Variants in PSG5 observed in about 807,000 individuals in gnomAD.
The protein encoded by PSG5 is pregnancy specific beta-1-glycoprotein 5.
PSG5 carries 53 observed loss-of-function variants against 37.7 expected under a neutral mutation model. The observed-to-expected ratio is 1.41, with a 90% CI of 1.13 to 1.77. PSG5 has a LOEUF of 1.77. Ranked by LOEUF, PSG5 falls within the 40% of genes most tolerant of loss-of-function variation. PSG5 has a pLI of 0.00. For missense variants in PSG5, 547 were observed against 405.2 expected (o/e 1.35, Z -3.00); for synonymous variants, 221 against 155.4 (o/e 1.42, Z -3.14).
At chr19:43,177,153 C>T (rs1406521199) in intron 2 of PSG5, among the ~76,000 whole-genome samples, 2 of 151,442 alleles carry the variant, frequency 1.3e-5, no homozygotes, top group African/African-American at 2.4e-5. Context: ...AAGTGGATTC[C>T]AGAGTGAATA....
At chr19:43,178,700 C>T (rs549300869) in intron 2 of PSG5, among the ~76,000 whole-genome samples, 1 of 151,758 alleles carries the variant, frequency 6.6e-6, no homozygotes, top group South Asian at 2.1e-4. Flanking sequence ...CTCTTTTCTC[C>T]TATTGTGGAT....
rs561344056 is a variant in PSG5, at chr19:43,184,068, G to T, written c.430+714C>A. Among the ~76,000 whole-genome samples the T allele has an allele frequency of 3.1e-4, 47 of 151,760 alleles. No homozygotes were observed. In the South Asian group the frequency reaches 9.5e-3, roughly 31 times the overall value. Reference sequence around the variant, plus strand: ...ATCCCTGTGGACAAGCTGCTACCAGGTACATCTTCTCCCTTCTGTTTATGC... The same window carrying T: ...ATCCCTGTGGACAAGCTGCTACCAGTTACATCTTCTCCCTTCTGTTTATGC... On this transcript the variant is annotated intron_variant, in intron 2 of 5. Coordinates refer to ENST00000342951, the MANE Select transcript of PSG5 (RefSeq NM_002781.4).
chr19:43,178,965 G>A (rs1480025249), intron 2 of PSG5: 1 of 1,612,818 alleles, frequency 6.2e-7, no homozygotes, highest in Non-Finnish European at 8.5e-7. Context: ...AATATACTTT[G>A]TGACACCAAA....
rs748580716 is a variant in PSG5 at position 43,176,158 on chromosome 19, T to C, written c.431-10A>G. On this transcript the variant is annotated splice_polypyrimidine_tract_variant and intron_variant, in intron 2 of 5. Coordinates refer to ENST00000342951, the MANE Select transcript of PSG5 (RefSeq NM_002781.4). ...GGCTTGGGCAGCTTCACTGTGTGGA[T>C]AACAGAGAGAAGATTGTCCTGTGTG... 25 of 1,610,798 alleles carry C rather than the reference T, an allele frequency of 1.6e-5. 1 individual carries two copies. Among genetic ancestry groups the C allele is most frequent in the Middle Eastern group, 1.9e-4 (1 of 5,182 alleles).
At chr19:43,180,161 A>T (rs920786810) in intron 2 of PSG5, among the ~76,000 whole-genome samples, 3 of 151,476 alleles carry the variant, frequency 2.0e-5, no homozygotes, top group Admixed American at 2.0e-4. Context: ...TGGATTCCAG[A>T]GTGAATCAGA....
At chr19:43,181,901 T>C (rs1165851659) in intron 2 of PSG5, among the ~76,000 whole-genome samples, 1 of 151,712 alleles carries the variant, frequency 6.6e-6, no homozygotes, top group Non-Finnish European at 1.5e-5. Context: ...GTGAGCTCCA[T>C]AGTAGTTTGA....
chr19:43,180,795 G>A (rs1969111572), intron 2 of PSG5, among the ~76,000 whole-genome samples: 1 of 86,920 alleles, frequency 1.2e-5, no homozygotes, highest in South Asian at 3.9e-4. Context: ...GAAATTAGCA[G>A]CTCCTTAAGT....
At position 43,176,302 on chromosome 19, in the gene PSG5, G is replaced by T. The variant is rs535363976; in HGVS notation, c.431-154C>A. Among the ~76,000 whole-genome samples the T allele has an allele frequency of 9.9e-5, 15 of 151,710 alleles. No individual in the cohort carries two copies. The South Asian group carries it at 3.1e-3, about 32-fold the overall frequency. On this transcript the variant is annotated intron_variant, in intron 2 of 5. Coordinates refer to ENST00000342951, the MANE Select transcript of PSG5 (RefSeq NM_002781.4). Reference sequence around the variant, plus strand: ...ATGTGTCACAAGATAGATGCATGATGATCTAAGGGCTCAAAGACTGTGAGG... The same window carrying T: ...ATGTGTCACAAGATAGATGCATGATTATCTAAGGGCTCAAAGACTGTGAGG...
At position 43,179,432 on chromosome 19, in the gene PSG5, C is replaced by A. The variant is rs530160763; in HGVS notation, c.431-3284G>T. On this transcript the variant is annotated intron_variant, in intron 2 of 5. Transcript: ENST00000342951. Reference sequence around the variant, plus strand: ...AAGACACAGGACCAGCAGTCACAGACCCGATGCCTCTCTGAGTTCCTCCGA... The same window carrying A: ...AAGACACAGGACCAGCAGTCACAGAACCGATGCCTCTCTGAGTTCCTCCGA... 9.7e-4 allele frequency among the ~76,000 whole-genome samples: 147 copies of A among 151,790 alleles called. 6 individuals carry two copies. Among genetic ancestry groups the A allele is most frequent in the African/African-American group, 3.3e-3 (135 of 41,280 alleles).
chr19:43,181,882 C>A (rs933249968), intron 2 of PSG5, among the ~76,000 whole-genome samples: 1 of 151,702 alleles, frequency 6.6e-6, no homozygotes, highest in Non-Finnish European at 1.5e-5. Flanking sequence ...TAAGAAGTGA[C>A]AGGAGAATGT....
intron 4 of PSG5, among the ~76,000 whole-genome samples, chr19:43,172,141 A>T (rs1174191533): frequency 1.3e-5 from 2 of 151,590 alleles, no homozygotes; most frequent in African/African-American, 4.9e-5. Flanking sequence ...CAAAAATATG[A>T]ATAGAACTAT....
At chr19:43,177,568 C>G (rs186375767) in intron 2 of PSG5, among the ~76,000 whole-genome samples, 5 of 151,164 alleles carry the variant, frequency 3.3e-5, no homozygotes, top group Admixed American at 1.3e-4. Context: ...CAATTCCACA[C>G]TGGCCATTCT....
At chr19:43,173,051 T>G (rs1210949444) in intron 4 of PSG5, among the ~76,000 whole-genome samples, 2 of 151,670 alleles carry the variant, frequency 1.3e-5, no homozygotes, top group Admixed American at 1.3e-4. Flanking sequence ...TGAAATATCA[T>G]AGCCCAGAAA....
At chr19:43,168,540 G>A (rs1289824713) in intron 5 of PSG5, among the ~76,000 whole-genome samples, 1 of 151,174 alleles carries the variant, frequency 6.6e-6, no homozygotes, top group Non-Finnish European at 1.5e-5. Flanking sequence ...GGCAAATTTT[G>A]TTTTTGCATT....
intron 2 of PSG5, among the ~76,000 whole-genome samples, chr19:43,177,879 T>C (rs1177544153): frequency 1.3e-5 from 2 of 151,652 alleles, no homozygotes; most frequent in Non-Finnish European, 2.9e-5. Flanking sequence ...TATATTGATA[T>C]CATCTTTAAT....
chr19:43,185,590 T>C (rs1966919024), intron 1 of PSG5, among the ~76,000 whole-genome samples: 1 of 151,284 alleles, frequency 6.6e-6, no homozygotes, highest in African/African-American at 2.4e-5. Flanking sequence ...ACATTCTAGA[T>C]CTCTTTGCAT....
At chr19:43,175,601 C>G in intron 3 of PSG5, 132 bp from the exon 4 acceptor site, 2 of 1,448,824 alleles carry the variant, frequency 1.4e-6, no homozygotes, top group Non-Finnish European at 9.3e-7. Context: ...CCACTATATT[C>G]ACTGAGCCAA....
intron 4 of PSG5, 163 bp from the exon 5 acceptor site, chr19:43,170,301 T>C: frequency 1.3e-6 from 1 of 768,748 alleles, no homozygotes; most frequent in Non-Finnish European, 1.9e-6. Context: ...TCTTGCAGTT[T>C]TTTTTTTCCC....
At position 43,176,235 on chromosome 19, in the gene PSG5, C is replaced by T. The variant is rs1396072637; in HGVS notation, c.431-87G>A. On this transcript the variant is annotated intron_variant, in intron 2 of 5. Transcript: ENST00000342951. ...CTTCAATCAGAGTTGGCATCTCCCA[C>T]CTGTCAACCCACCAGAGTCCTTGAA... 1.9e-5 allele frequency: 29 copies of T among 1,563,334 alleles called. No homozygotes were observed. In the Admixed American group the frequency reaches 3.3e-4, roughly 18 times the overall value.
Sources: allele counts gnomAD v4.1 joint callset (sites outside exome capture counted in the v4.1 genomes callset), GRCh38; gene constraint gnomAD v4.1.1; transcripts MANE v1.5; gene names NCBI Gene and HGNC (gene_info 2026-07-23, HGNC 2026-07-21).